Variants in RGS6 observed in about 807,000 individuals in gnomAD.
The protein encoded by RGS6 is regulator of G-protein signaling 6.
A neutral mutation model predicts 78.5 loss-of-function variants in RGS6; 30 were observed. That is an observed-to-expected ratio of 0.38 (90% CI 0.29 to 0.52). The LOEUF (loss-of-function observed/expected upper bound fraction) is 0.52, where lower values mean the gene tolerates loss of function less well. Ranked by LOEUF, RGS6 falls within the 20% of genes least tolerant of loss-of-function variation. The probability of loss-of-function intolerance (pLI) is 0.85; values close to 1 mark genes in which losing one functional copy is unlikely to be tolerated. For synonymous variants in RGS6, 206 were observed against 206.0 expected (o/e 1.00, Z 0.00); for missense variants, 495 against 609.7 (o/e 0.81, Z 1.98).
At chr14:72,044,962 G>A (rs143600500) in intron 2 of RGS6, among the ~76,000 whole-genome samples, 34 of 152,282 alleles carry the variant, frequency 2.2e-4, no homozygotes, top group African/African-American at 8.2e-4. Flanking sequence ...CTGCAGTCCC[G>A]CAGTTTCTTA....
At chr14:72,227,032 A>G (rs1016554566) in intron 2 of RGS6, among the ~76,000 whole-genome samples, 1 of 152,176 alleles carries the variant, frequency 6.6e-6, no homozygotes, top group Non-Finnish European at 1.5e-5. Flanking sequence ...AGATATATAC[A>G]CAACATTCAT....
Position 71,988,207 on chromosome 14 carries a change from C to T in RGS6, c.84+23332C>T, listed in dbSNP as rs183896651. Among the ~76,000 whole-genome samples the T allele has an allele frequency of 1.8e-3, 281 of 152,222 alleles. 1 individual carries two copies. The highest frequency in any genetic ancestry group is 6.4e-3 in the African/African-American group (267 of 41,536). On this transcript the variant is annotated intron_variant, in intron 2 of 17. Coordinates refer to ENST00000553525, the MANE Select transcript of RGS6 (RefSeq NM_001204424.2). ...ATGATAAAGTCTAACTATCAGTGAGCGAGCAGGGGGTGAGCATTTTCTTTC... is the reference window on the plus strand; with the variant it reads ...ATGATAAAGTCTAACTATCAGTGAGTGAGCAGGGGGTGAGCATTTTCTTTC...
At chr14:72,149,867 C>A (rs2096659357) in intron 2 of RGS6, among the ~76,000 whole-genome samples, 2 of 152,158 alleles carry the variant, frequency 1.3e-5, no homozygotes, top group African/African-American at 4.8e-5. Flanking sequence ...TCAAAAAAAT[C>A]ATGCCTGTAT....
chr14:72,344,270 C>A (rs1273175855), intron 2 of RGS6, among the ~76,000 whole-genome samples: 1 of 152,150 alleles, frequency 6.6e-6, no homozygotes, highest in Non-Finnish European at 1.5e-5. Context: ...TAAAAGTAAG[C>A]CTCCAGGGGA....
At chr14:72,387,656 G>A (rs751470889) in intron 3 of RGS6, among the ~76,000 whole-genome samples, 10 of 152,008 alleles carry the variant, frequency 6.6e-5, no homozygotes, top group Non-Finnish European at 1.0e-4. Context: ...ACCTATATAC[G>A]TATGACATCC....
chr14:72,509,221 C>G (rs2096848590), intron 13 of RGS6, among the ~76,000 whole-genome samples: 1 of 151,990 alleles, frequency 6.6e-6, no homozygotes, highest in African/African-American at 2.4e-5. Flanking sequence ...AAAAATTAGC[C>G]AGACGTGGTG....
intron 2 of RGS6, among the ~76,000 whole-genome samples, chr14:72,280,161 G>A (rs968839334): frequency 6.6e-5 from 10 of 151,068 alleles, no homozygotes; most frequent in Non-Finnish European, 1.0e-4. Context: ...GTTTTCTTTC[G>A]AAAAAGGAAG....
chr14:72,085,911 A>G (rs2095020913), intron 2 of RGS6, among the ~76,000 whole-genome samples: 1 of 148,090 alleles, frequency 6.8e-6, no homozygotes, highest in African/African-American at 2.5e-5. Flanking sequence ...CTGGTGAGGC[A>G]GACATTTCCT....
the RGS6 span, among the ~76,000 whole-genome samples, chr14:71,880,632 A>G: frequency 0.51 from 77,044 of 152,062 alleles, 19,828 homozygotes; most frequent in South Asian, 0.67. Flanking sequence ...TGATATTGAG[A>G]CTGTGAGTGC....
chr14:72,514,252 CA>C (rs1431210449), intron 14 of RGS6, among the ~76,000 whole-genome samples: 1 of 152,190 alleles, frequency 6.6e-6, no homozygotes, highest in Non-Finnish European at 1.5e-5. Context: ...GGCATAGAAA[CA>C]CTTTCTTCTC....
chr14:72,238,148 A>AGG (rs2051660051), intron 2 of RGS6, among the ~76,000 whole-genome samples: 1 of 152,204 alleles, frequency 6.6e-6, no homozygotes, highest in South Asian at 2.1e-4. Context: ...GCTCTTCTCC[A>AGG]AAGTTGTTCT....
chr14:72,181,719 AC>A (rs2097175529), intron 2 of RGS6, among the ~76,000 whole-genome samples: 3 of 152,212 alleles, frequency 2.0e-5, no homozygotes, highest in Admixed American at 6.5e-5. Context: ...GTTCTCTATA[AC>A]CTTGAATACT....
intron 2 of RGS6, among the ~76,000 whole-genome samples, chr14:72,145,880 G>A (rs1357932029): frequency 6.6e-6 from 1 of 152,166 alleles, no homozygotes; most frequent in African/African-American, 2.4e-5. Context: ...GGGATAAAGG[G>A]CTCCCCTGTG....
chr14:72,339,267 G>A (rs2076562424), intron 2 of RGS6, among the ~76,000 whole-genome samples: 1 of 152,126 alleles, frequency 6.6e-6, no homozygotes, highest in African/African-American at 2.4e-5. Context: ...TGGCTCTGCT[G>A]GCTTATCAGG....
At chr14:72,396,895 T>C (rs907045093) in intron 3 of RGS6, among the ~76,000 whole-genome samples, 1 of 152,202 alleles carries the variant, frequency 6.6e-6, no homozygotes. Flanking sequence ...TCCTTTTCCA[T>C]TGGTCTATAT....
chr14:72,467,139 T>A (rs551190963), intron 7 of RGS6, among the ~76,000 whole-genome samples: 3 of 152,220 alleles, frequency 2.0e-5, no homozygotes, highest in East Asian at 1.9e-4. Context: ...ATTTTTTTTT[T>A]AACTTTTGGT....
At chr14:72,555,436 T>A (rs1277615104) in intron 17 of RGS6, among the ~76,000 whole-genome samples, 1 of 152,218 alleles carries the variant, frequency 6.6e-6, no homozygotes. Flanking sequence ...GGGAAGCCGC[T>A]TCGCAGCATA....
At chr14:72,051,299 A>G (rs913174091) in intron 2 of RGS6, among the ~76,000 whole-genome samples, 2 of 152,188 alleles carry the variant, frequency 1.3e-5, no homozygotes, top group African/African-American at 4.8e-5. Context: ...CAGTATTCGC[A>G]TGGGGGCAAT....
At chr14:71,909,673 G>A in the RGS6 span, among the ~76,000 whole-genome samples, 1 of 152,066 alleles carries the variant, frequency 6.6e-6, no homozygotes, top group Non-Finnish European at 1.5e-5. Flanking sequence ...ATTCAAGAAG[G>A]AGCTATTGAA....
Sources: gnomAD v4.1 joint callset for allele counts (sites outside exome capture counted in the v4.1 genomes callset) on GRCh38, gnomAD v4.1.1 for gene constraint, MANE v1.5 for transcripts, NCBI Gene and HGNC (gene_info 2026-07-23, HGNC 2026-07-21) for gene names.